PTK2: variants seen among roughly 807,000 people sequenced by gnomAD.
PTK2 encodes the protein protein tyrosine kinase 2, also known as focal adhesion kinase 1.
In PTK2, 45 loss-of-function variants were observed where a neutral mutation model predicts 150.1. That is an observed-to-expected ratio of 0.30 (90% CI 0.24 to 0.38). The LOEUF (loss-of-function observed/expected upper bound fraction) is 0.38. Among genes scored for constraint, PTK2 ranks in the 10% least tolerant of loss-of-function variants. The probability of loss-of-function intolerance (pLI) is 1.00; values close to 1 mark genes in which losing one functional copy is unlikely to be tolerated. For missense variants in PTK2, 919 were observed against 1,307.3 expected, an observed-to-expected ratio of 0.70 and a Z score of 4.58; for synonymous variants, 432 against 449.2, an observed-to-expected ratio of 0.96 and a Z score of 0.48.
At chr8:140,734,907 C>G (rs2100051707) in intron 22 of PTK2, 1 of 427,002 alleles carries the variant, frequency 2.3e-6, no homozygotes, top group Non-Finnish European at 4.5e-6. Context: ...TGCTGGATCA[C>G]AAAGTGTGAG....
intron 14 of PTK2, among the ~76,000 whole-genome samples, chr8:140,784,309 T>C (rs1261860462): frequency 3.3e-5 from 5 of 152,174 alleles, no homozygotes; most frequent in Non-Finnish European, 7.3e-5. Flanking sequence ...ACATGTGTAG[T>C]CCAAACATGT....
At chr8:140,960,657 C>T (rs1754423447) in intron 1 of PTK2, among the ~76,000 whole-genome samples, 2 of 152,186 alleles carry the variant, frequency 1.3e-5, no homozygotes, top group African/African-American at 2.4e-5. Flanking sequence ...TTGCCACATA[C>T]AGAATCAACA....
chr8:140,990,263 C>T (rs1408432481), intron 1 of PTK2, among the ~76,000 whole-genome samples: 1 of 150,206 alleles, frequency 6.7e-6, no homozygotes, highest in Non-Finnish European at 1.5e-5. Flanking sequence ...GAGACAGGGT[C>T]TCCCTCTGTC....
chr8:140,672,210 A>G (rs759966410), intron 29 of PTK2: 12 of 445,478 alleles, frequency 2.7e-5, no homozygotes, highest in Non-Finnish European at 4.9e-5. Context: ...TTCTTTTTTT[A>G]AAGAGATGGG....
chr8:140,960,690 G>C (rs374811192), intron 1 of PTK2, among the ~76,000 whole-genome samples: 5 of 151,976 alleles, frequency 3.3e-5, no homozygotes, highest in Admixed American at 2.6e-4. Flanking sequence ...TGTATTTAAC[G>C]TATCATATAG....
At chr8:140,921,019 T>C (rs1255273196) in intron 2 of PTK2, 13 of 1,289,528 alleles carry the variant, frequency 1.0e-5, no homozygotes, top group Non-Finnish European at 1.3e-5. Flanking sequence ...GGTTCCCCTG[T>C]GTGCTCCTTT....
chr8:140,992,436 C>T (rs2100196097), intron 1 of PTK2, among the ~76,000 whole-genome samples: 2 of 152,132 alleles, frequency 1.3e-5, no homozygotes, highest in Admixed American at 1.3e-4. Context: ...TGCCACTGCA[C>T]TCCAGCCTGT....
At chr8:140,880,319 T>C (rs2100148470) in intron 3 of PTK2, among the ~76,000 whole-genome samples, 1 of 152,236 alleles carries the variant, frequency 6.6e-6, no homozygotes, top group Admixed American at 6.5e-5. Context: ...CATCAGGGAA[T>C]GTTCCCTAGA....
At chr8:140,819,638 C>T (rs1160259663) in intron 8 of PTK2, among the ~76,000 whole-genome samples, 3 of 152,156 alleles carry the variant, frequency 2.0e-5, no homozygotes, top group African/African-American at 4.8e-5. Flanking sequence ...GGCATTAAAA[C>T]CCATATTACA....
rs188428091 is a variant in PTK2 at position 140,858,525 on chromosome 8, C to T, written c.450+5787G>A. On this transcript the variant is annotated intron_variant, in intron 5 of 31. Transcript: ENST00000522684. ...GAGAAAAAAGGATCTTCAAGCCATC[C>T]AGACAGAAAAGACAGGTCACCTACA... Among the ~76,000 whole-genome samples the T allele has an allele frequency of 9.9e-5, 15 of 151,784 alleles. No individual in the cohort carries two copies. The East Asian group carries it at 2.7e-3, about 27-fold the overall frequency.
intron 22 of PTK2, among the ~76,000 whole-genome samples, chr8:140,730,128 C>T (rs564221631): frequency 4.0e-5 from 6 of 151,726 alleles, no homozygotes; most frequent in African/African-American, 1.5e-4. Context: ...TGATAGAAGA[C>T]CAGTTCAAAA....
intron 4 of PTK2, among the ~76,000 whole-genome samples, chr8:140,872,347 C>T (rs1166811612): frequency 6.6e-6 from 1 of 152,136 alleles, no homozygotes; most frequent in Non-Finnish European, 1.5e-5. Context: ...GCCTGGCCCG[C>T]TGCATGCTTT....
chr8:140,815,048 A>G (rs985990336), intron 10 of PTK2, among the ~76,000 whole-genome samples: 1 of 152,162 alleles, frequency 6.6e-6, no homozygotes, highest in African/African-American at 2.4e-5. Context: ...TGCTGGGATT[A>G]CAGGTGTGAG....
At chr8:140,659,987 CTTATT>C (rs1336455690) in intron 31 of PTK2, among the ~76,000 whole-genome samples, 2 of 150,944 alleles carry the variant, frequency 1.3e-5, no homozygotes, top group Admixed American at 6.6e-5. Context: ...TTTTTTTTTT[CTTATT>C]TTAACTTCCC....
At chr8:140,813,466 C>T (rs1015305907) in intron 10 of PTK2, among the ~76,000 whole-genome samples, 6 of 150,828 alleles carry the variant, frequency 4.0e-5, no homozygotes, top group African/African-American at 7.3e-5. Context: ...ACAGCACGGC[C>T]AAGTTAAAAA....
chr8:140,836,797 G>A (rs2100118932), intron 7 of PTK2, among the ~76,000 whole-genome samples: 1 of 152,108 alleles, frequency 6.6e-6, no homozygotes, highest in Admixed American at 6.5e-5. Flanking sequence ...TCTCCATAGT[G>A]AAGAGAAACA....
chr8:140,879,661 T>C, intron 3 of PTK2, 24 bp from the exon 4 acceptor site: 2 of 457,128 alleles, frequency 4.4e-6, no homozygotes, highest in Non-Finnish European at 3.0e-6. Flanking sequence ...CCCACAAGAA[T>C]GACTGTTATA....
chr8:140,671,062 C>T (rs2095300796), intron 29 of PTK2, among the ~76,000 whole-genome samples: 2 of 152,142 alleles, frequency 1.3e-5, no homozygotes, highest in Non-Finnish European at 2.9e-5. Flanking sequence ...CCTTGGCAGG[C>T]AGTTGATAAA....
chr8:140,941,055 C>T (rs572962209), intron 1 of PTK2, among the ~76,000 whole-genome samples: 5 of 152,200 alleles, frequency 3.3e-5, no homozygotes, highest in Non-Finnish European at 5.9e-5. Context: ...GAAATGAACA[C>T]AATATGAACA....
Sources: gnomAD v4.1 joint callset for allele counts (sites outside exome capture counted in the v4.1 genomes callset) on GRCh38, gnomAD v4.1.1 for gene constraint, MANE v1.5 for transcripts, NCBI Gene and HGNC (gene_info 2026-07-23, HGNC 2026-07-21) for gene names.